ATP11A: variants seen among roughly 807,000 people sequenced by gnomAD.
ATP11A encodes the protein phospholipid-transporting ATPase IH.
ATP11A carries 81 observed loss-of-function variants against 154.4 expected under a neutral mutation model. That is an observed-to-expected ratio of 0.52 (90% CI 0.44 to 0.63). The LOEUF (loss-of-function observed/expected upper bound fraction) is 0.63, where lower values mean the gene tolerates loss of function less well. Among genes scored for constraint, ATP11A ranks in the 30% least tolerant of loss-of-function variants. The pLI is 0.00. For synonymous variants in ATP11A, 623 were observed against 585.9 expected (o/e 1.06, Z -0.91); for missense variants, 1,316 against 1,474.3 (o/e 0.89, Z 1.76).
At chr13:112,784,555 G>A (rs555297779) in intron 1 of ATP11A, among the ~76,000 whole-genome samples, 13 of 144,812 alleles carry the variant, frequency 9.0e-5, no homozygotes, top group Admixed American at 1.4e-4. Context: ...ACAGAGTCTC[G>A]CTCTGTCCCC....
chr13:112,773,086 C>T (rs1465236734), intron 1 of ATP11A, among the ~76,000 whole-genome samples: 1 of 152,088 alleles, frequency 6.6e-6, no homozygotes, highest in Non-Finnish European at 1.5e-5. Flanking sequence ...CCCAGAGCCC[C>T]GAGGGCTGTG....
intron 24 of ATP11A, among the ~76,000 whole-genome samples, chr13:112,861,446 G>A (rs1021573509): frequency 4.6e-5 from 7 of 152,218 alleles, no homozygotes; most frequent in Non-Finnish European, 8.8e-5. Context: ...TGTTGGTGCC[G>A]TTCACCCGTT....
intron 25 of ATP11A, among the ~76,000 whole-genome samples, chr13:112,862,864 C>CCT (rs2080159797): frequency 7.0e-6 from 1 of 142,090 alleles, no homozygotes; most frequent in African/African-American, 2.7e-5. Context: ...TCCATCACCA[C>CCT]GTGCACAGTA....
intron 12 of ATP11A, among the ~76,000 whole-genome samples, chr13:112,828,503 G>T (rs568153909): frequency 7.0e-6 from 1 of 143,384 alleles, no homozygotes; most frequent in Non-Finnish European, 1.5e-5. Context: ...AGTGCCCAGC[G>T]GTGTTGAGTG....
At chr13:112,812,792 TG>T (rs2078537943) in intron 5 of ATP11A, among the ~76,000 whole-genome samples, 1 of 152,216 alleles carries the variant, frequency 6.6e-6, no homozygotes, top group Non-Finnish European at 1.5e-5. Flanking sequence ...AGATGAGTGA[TG>T]TTTCCCTAGA....
At chr13:112,831,074 G>A (rs959475844) in intron 12 of ATP11A, among the ~76,000 whole-genome samples, 2 of 152,142 alleles carry the variant, frequency 1.3e-5, no homozygotes, top group Non-Finnish European at 2.9e-5. Flanking sequence ...CGGGGAATGG[G>A]ACTATGAGAC....
Position 112,785,199 on chromosome 13 carries a change from C to T in ATP11A, c.104C>T (p.Pro35Leu), listed in dbSNP as rs746539954. The change falls in exon 2 of 30, where the codon CCG (proline) becomes CTG (leucine). Residue 35 changes from proline (P) to leucine (L), a missense_variant. Transcript: ENST00000375645. This position sits in a 1 kb window ranked among gnomAD's most constrained non-coding sequence, Gnocchi z 4.8. Reference sequence around the variant, plus strand: ...TACGTGGGACACAGGGAGCCACCTCCGGGCGCAGAGGCCTACATCCCACAG... The same window carrying T: ...TACGTGGGACACAGGGAGCCACCTCTGGGCGCAGAGGCCTACATCCCACAG... Reference protein sequence around the residue: ...TIYVGHREPPPGAEAYIPQRY... With the variant: ...TIYVGHREPPLGAEAYIPQRY... The T allele has an allele frequency of 1.5e-5, 23 of 1,578,376 alleles. No individual in the cohort carries two copies. Among genetic ancestry groups the T allele is most frequent in the East Asian group, 4.8e-5 (2 of 41,616 alleles).
rs1566602257 is a variant in ATP11A at position 112,873,640 on chromosome 13, A to G, written c.3125A>G (p.Tyr1042Cys). The G allele has an allele frequency of 6.2e-7, 1 of 1,613,366 alleles. No individual in the cohort carries two copies. Among genetic ancestry groups the G allele is most frequent in the Non-Finnish European group, 8.5e-7 (1 of 1,179,838 alleles). The change falls in exon 27 of 30, where the codon TAC (tyrosine) becomes TGC (cysteine). Residue 1042 changes from tyrosine to cysteine, a missense_variant. This residue lies in a region of ATP11A where 294 missense variants were observed against 290.2 expected (regional missense o/e 1.01). Coordinates refer to ENST00000375645, the MANE Select transcript of ATP11A (RefSeq NM_015205.3). Reference sequence around the variant, plus strand: ...GTCATCTGGGGGTCGCTGCTGTTCTACGTTGTCTTTTCGCTTCTCTGGGGA... The same window carrying G: ...GTCATCTGGGGGTCGCTGCTGTTCTGCGTTGTCTTTTCGCTTCTCTGGGGA... ...HFVIWGSLLF[Y>C]VVFSLLWGGV...
intron 1 of ATP11A, among the ~76,000 whole-genome samples, chr13:112,713,952 C>G (rs1325103201): frequency 2.1e-3 from 146 of 68,748 alleles, no homozygotes; most frequent in East Asian, 3.8e-3. Context: ...CACCCCAGAT[C>G]CCACGCCTCC....
At position 112,753,847 on chromosome 13, in the gene ATP11A, GCT is replaced by G. The variant is rs1385673595; in HGVS notation, c.40-31287_40-31286del. Among the ~76,000 whole-genome samples the G allele has an allele frequency of 6.6e-6, 1 of 152,174 alleles. No individual in the cohort carries two copies. Among genetic ancestry groups the G allele is most frequent in the Non-Finnish European group, 1.5e-5 (1 of 68,032 alleles). ...AGTCAAACAGGCTTATGTTAGAAGC[GCT>G]TTTTCCAAAATGCAATGTAGAGTTA... is the stretch of plus-strand genomic sequence containing the variant. On this transcript the variant is annotated intron_variant, in intron 1 of 29. Coordinates refer to ENST00000375645, the MANE Select transcript of ATP11A (RefSeq NM_015205.3). The surrounding 1 kb of genome is among the most constrained non-coding windows in gnomAD (Gnocchi z 4.1).
At position 112,832,857 on chromosome 13, in the gene ATP11A, T is replaced by C. The variant is rs778412147; in HGVS notation, c.1396-3T>C. 30 of 1,611,448 alleles carry C rather than the reference T, an allele frequency of 1.9e-5. No homozygotes were observed. Among genetic ancestry groups the C allele is most frequent in the East Asian group, 6.7e-5 (3 of 44,824 alleles). On this transcript the variant is annotated splice_polypyrimidine_tract_variant and splice_region_variant and intron_variant, in intron 13 of 29. Coordinates refer to ENST00000375645, the MANE Select transcript of ATP11A (RefSeq NM_015205.3). ...GGGGGTTCTGGGAACTGCTTTTTTA[T>C]AGGAGCGCGAGGAGCTGTTTTTCCG...
At chr13:112,787,824 C>T (rs1442428550) in intron 2 of ATP11A, among the ~76,000 whole-genome samples, 1 of 142,534 alleles carries the variant, frequency 7.0e-6, no homozygotes, top group Non-Finnish European at 1.5e-5. Context: ...TTAATTCACA[C>T]CGGTGTCCTA....
At chr13:112,749,832 T>C (rs1369952458) in intron 1 of ATP11A, among the ~76,000 whole-genome samples, 1 of 115,704 alleles carries the variant, frequency 8.6e-6, no homozygotes, top group African/African-American at 3.5e-5. Context: ...TGAATTTCTG[T>C]CTTAGGGAAG....
At position 112,882,238 on chromosome 13, in the gene ATP11A, G is replaced by A. The variant is rs2080903714; in HGVS notation, c.*372G>A. On this transcript the variant is annotated 3_prime_UTR_variant, in exon 30 of 30. Transcript: ENST00000375645. The surrounding 1 kb of genome is among the most constrained non-coding windows in gnomAD (Gnocchi z 5.1). ...TGGGCATTCGGCTCAACGCAGGAGG[G>A]ACATTCTGCTGGCCCACCCTGCGCG... is the stretch of plus-strand genomic sequence containing the variant. The A allele has an allele frequency of 6.3e-6, 5 of 793,660 alleles. No homozygotes were observed. Among genetic ancestry groups the A allele is most frequent in the Non-Finnish European group, 7.1e-6 (4 of 562,672 alleles). 49.2% of individuals were successfully genotyped at this position (793,660 alleles called of 1,614,324 possible).
Position 112,697,736 on chromosome 13 carries a change from T to TG in ATP11A, c.39+7281_39+7282insG, listed in dbSNP as rs1196849217. Among the ~76,000 whole-genome samples the TG allele has an allele frequency of 1.4e-4, 1 of 7,280 alleles. No homozygotes were observed. The highest frequency in any genetic ancestry group is 1.9e-4 in the African/African-American group (1 of 5,248). The allele number at this position is 7,280 out of a possible 152,430, so 4.8% of individuals were successfully genotyped here. A position where few individuals can be genotyped will look rare whatever the true frequency, so the allele number is the denominator to read the frequency against. On this transcript the variant is annotated intron_variant, in intron 1 of 29. Transcript: ENST00000375645. The surrounding 1 kb of genome is among the most constrained non-coding windows in gnomAD (Gnocchi z 4.0). The stretch of plus-strand genomic sequence containing the variant: ...CCACGACGCCCGGCCAGTTTTTTTT[T>TG]TTTTTTTTTTTTTTTTTAGTAGAGA...
intron 26 of ATP11A, among the ~76,000 whole-genome samples, chr13:112,872,118 C>G (rs1002546349): frequency 6.6e-6 from 1 of 152,160 alleles, no homozygotes; most frequent in Non-Finnish European, 1.5e-5. Context: ...AGCCCTCCCC[C>G]CAGCGCCATC....
At position 112,690,787 on chromosome 13, in the gene ATP11A, C is replaced by T. The variant is rs1028276271; in HGVS notation, c.39+332C>T. On this transcript the variant is annotated intron_variant, in intron 1 of 29. Transcript: ENST00000375645. The surrounding 1 kb of genome is among the most constrained non-coding windows in gnomAD (Gnocchi z 5.6). ...CTGGCTGGGGTTCGAGCTGTCCCGG[C>T]GGACCGGGCGCCCGGAGGGAGCCAA... Among the ~76,000 whole-genome samples the T allele has an allele frequency of 1.3e-5, 2 of 152,070 alleles. No individual in the cohort carries two copies. The highest frequency in any genetic ancestry group is 2.9e-5 in the Non-Finnish European group (2 of 67,986).
At chr13:112,832,107 C>A (rs1281402358) in intron 13 of ATP11A, among the ~76,000 whole-genome samples, 1 of 151,962 alleles carries the variant, frequency 6.6e-6, no homozygotes, top group African/African-American at 2.4e-5. Flanking sequence ...GCCCAGTTAC[C>A]GTGTGCACGC....
At chr13:112,761,767 C>T (rs1349001521) in intron 1 of ATP11A, among the ~76,000 whole-genome samples, 2 of 152,214 alleles carry the variant, frequency 1.3e-5, no homozygotes, top group East Asian at 3.9e-4. Context: ...GCACCCACAC[C>T]ATTGCACACC....
Sources: allele counts gnomAD v4.1 joint callset (sites outside exome capture counted in the v4.1 genomes callset), GRCh38; gene constraint gnomAD v4.1.1; regional missense constraint gnomAD v4.1.1; non-coding constraint Gnocchi (gnomAD v3.1); transcripts MANE v1.5; gene names NCBI Gene and HGNC (gene_info 2026-07-23, HGNC 2026-07-21).